The following ADGRB3 variants were observed in gnomAD, a reference collection of about 807,000 sequenced individuals.
The protein encoded by ADGRB3 is brain-specific angiogenesis inhibitor 3.
A neutral mutation model predicts 193.4 loss-of-function variants in ADGRB3; 37 were observed. The observed-to-expected ratio is 0.19, with a 90% CI of 0.15 to 0.25. ADGRB3 has a LOEUF of 0.25. Ranked by LOEUF, ADGRB3 falls within the 10% of genes least tolerant of loss-of-function variation. The pLI, the probability that ADGRB3 is intolerant of heterozygous loss-of-function variation, is 1.00. For missense variants in ADGRB3, 1,637 were observed against 1,852.9 expected (o/e 0.88, Z 2.14); for synonymous variants, 690 against 644.2 (o/e 1.07, Z -1.08).
At chr6:68,813,599 A>G (rs1229169185) in intron 3 of ADGRB3, among the ~76,000 whole-genome samples, 1 of 151,922 alleles carries the variant, frequency 6.6e-6, no homozygotes, top group African/African-American at 2.4e-5. Context: ...GTACATGTGC[A>G]CAACGTGCAG....
intron 17 of ADGRB3, among the ~76,000 whole-genome samples, chr6:69,129,559 A>G (rs1825195): frequency 0.64 from 97,173 of 152,010 alleles, 32,286 homozygotes; most frequent in East Asian, 0.95. Context: ...TCTTAAGTCA[A>G]TGGACTGGGA....
intron 17 of ADGRB3, among the ~76,000 whole-genome samples, chr6:69,143,596 A>G (rs919770234): frequency 6.6e-6 from 1 of 152,204 alleles, no homozygotes; most frequent in Non-Finnish European, 1.5e-5. Flanking sequence ...ATTCTTCTGC[A>G]TATGGATATC....
chr6:68,714,043 T>G (rs995448871), intron 3 of ADGRB3, among the ~76,000 whole-genome samples: 1 of 151,742 alleles, frequency 6.6e-6, no homozygotes, highest in African/African-American at 2.4e-5. Context: ...AGTAAATAGT[T>G]GATGTTCTAA....
At position 68,980,233 on chromosome 6, in the gene ADGRB3, C is replaced by T. The variant is rs1010812891; in HGVS notation, c.1734+4893C>T. Among the ~76,000 whole-genome samples the T allele has an allele frequency of 3.3e-5, 5 of 151,396 alleles. 1 individual carries two copies. The highest frequency in any genetic ancestry group is 7.4e-5 in the Non-Finnish European group (5 of 67,684). On this transcript the variant is annotated intron_variant, in intron 10 of 31. Transcript: ENST00000370598. ...ACAAATGTTGGAGTGATTATTTAGT[C>T]ATCTTTACCTAACATTTTTTACAGA...
intron 16 of ADGRB3, among the ~76,000 whole-genome samples, chr6:69,072,378 A>G (rs1022844860): frequency 1.3e-5 from 2 of 152,324 alleles, no homozygotes; most frequent in East Asian, 1.9e-4. Flanking sequence ...GGTGAAGAAC[A>G]TGGAGAATAA....
At chr6:69,068,180 C>T (rs1399649442) in intron 16 of ADGRB3, among the ~76,000 whole-genome samples, 1 of 152,144 alleles carries the variant, frequency 6.6e-6, no homozygotes, top group African/African-American at 2.4e-5. Flanking sequence ...CCAAAGACGT[C>T]CACATCCTAA....
At chr6:69,157,534 C>T (rs901039975) in intron 17 of ADGRB3, among the ~76,000 whole-genome samples, 2 of 152,070 alleles carry the variant, frequency 1.3e-5, no homozygotes, top group Non-Finnish European at 2.9e-5. Context: ...ATATCACATA[C>T]ATTCTATCCC....
At chr6:68,827,783 A>G (rs943290682) in intron 3 of ADGRB3, among the ~76,000 whole-genome samples, 1 of 152,098 alleles carries the variant, frequency 6.6e-6, no homozygotes, top group African/African-American at 2.4e-5. Context: ...GTGTAGCCCA[A>G]AAGGCCTGCA....
At chr6:68,915,557 G>A (rs533529454) in intron 3 of ADGRB3, among the ~76,000 whole-genome samples, 1 of 152,248 alleles carries the variant, frequency 6.6e-6, no homozygotes, top group Admixed American at 6.5e-5. Flanking sequence ...GCTCTAAATG[G>A]CTAAGAATTG....
intron 17 of ADGRB3, among the ~76,000 whole-genome samples, chr6:69,194,680 T>C (rs1192134725): frequency 1.3e-5 from 2 of 152,110 alleles, no homozygotes; most frequent in Non-Finnish European, 2.9e-5. Flanking sequence ...ACAAGGAATT[T>C]TGATGCTCAA....
intron 3 of ADGRB3, among the ~76,000 whole-genome samples, chr6:68,815,633 GT>G (rs1562041510): frequency 2.0e-4 from 30 of 148,928 alleles, no homozygotes; most frequent in African/African-American, 6.1e-4. Flanking sequence ...GTGTGTGTGT[GT>G]GTGTGTGCAT....
At chr6:68,661,303 A>ATG (rs1561986171) in intron 3 of ADGRB3, among the ~76,000 whole-genome samples, 2 of 136,936 alleles carry the variant, frequency 1.5e-5, no homozygotes, top group East Asian at 2.1e-4. Context: ...ATATATATAT[A>ATG]TATGTGTGTG....
chr6:69,141,192 C>T (rs9454706), intron 17 of ADGRB3, among the ~76,000 whole-genome samples: 95,177 of 148,966 alleles, frequency 0.64, 31,675 homozygotes, highest in East Asian at 0.95. Flanking sequence ...GGCGCCATCT[C>T]GGCTCACTGC....
chr6:69,297,502 G>A (rs1767855604), intron 20 of ADGRB3, among the ~76,000 whole-genome samples: 1 of 151,496 alleles, frequency 6.6e-6, no homozygotes, highest in African/African-American at 2.4e-5. Context: ...GGGAAGCAAA[G>A]GTGATAGCTC....
At chr6:68,818,154 A>G (rs972014607) in intron 3 of ADGRB3, among the ~76,000 whole-genome samples, 3 of 152,132 alleles carry the variant, frequency 2.0e-5, no homozygotes, top group South Asian at 4.1e-4. Context: ...CTGGTAGAGC[A>G]GAAAGAATGT....
intron 30 of ADGRB3, among the ~76,000 whole-genome samples, chr6:69,376,062 T>G (rs1452549106): frequency 6.6e-6 from 1 of 150,486 alleles, no homozygotes; most frequent in African/African-American, 2.4e-5. Context: ...TTTCACAGTT[T>G]TCCATGAAAA....
chr6:69,371,953 AT>A (rs1418533841), intron 29 of ADGRB3, among the ~76,000 whole-genome samples: 1 of 152,104 alleles, frequency 6.6e-6, no homozygotes, highest in Non-Finnish European at 1.5e-5. Flanking sequence ...ACTGGTTAGA[AT>A]TTGGTAGGAA....
rs573067302 is a variant in ADGRB3, at chr6:68,802,507, A to G, written c.758-128052A>G. Among the ~76,000 whole-genome samples the G allele has an allele frequency of 4.6e-5, 7 of 152,322 alleles. No homozygotes were observed. In the South Asian group the frequency reaches 1.0e-3, roughly 23 times the overall value. On this transcript the variant is annotated intron_variant, in intron 3 of 31. Coordinates refer to ENST00000370598, the MANE Select transcript of ADGRB3 (RefSeq NM_001704.3). Reference sequence around the variant, plus strand: ...AATAGGGAACTCAATAAATATTGGTACAGAGTATAAACTCAATATTTAATT... The same window carrying G: ...AATAGGGAACTCAATAAATATTGGTGCAGAGTATAAACTCAATATTTAATT...
intron 3 of ADGRB3, among the ~76,000 whole-genome samples, chr6:68,868,743 G>T (rs540485926): frequency 6.6e-6 from 1 of 152,256 alleles, no homozygotes; most frequent in Admixed American, 6.5e-5. Context: ...GAGATGCTTT[G>T]AATAAATATT....
Sources: gnomAD v4.1 joint callset for allele counts (sites outside exome capture counted in the v4.1 genomes callset) on GRCh38, gnomAD v4.1.1 for gene constraint, MANE v1.5 for transcripts, NCBI Gene and HGNC (gene_info 2026-07-23, HGNC 2026-07-21) for gene names.